The following INPP4B variants were observed in gnomAD, a reference collection of about 807,000 sequenced individuals.
The protein encoded by INPP4B is inositol polyphosphate 4-phosphatase type II.
INPP4B carries 55 observed loss-of-function variants against 122.5 expected under a neutral mutation model. That is an observed-to-expected ratio of 0.45 (90% CI 0.36 to 0.56). INPP4B has a LOEUF of 0.56. Among genes scored for constraint, INPP4B ranks in the 20% least tolerant of loss-of-function variants. The pLI is 0.00. For synonymous variants in INPP4B, 403 were observed against 388.7 expected, an observed-to-expected ratio of 1.04 and a Z score of -0.43; for missense variants, 1,000 against 1,097.7, an observed-to-expected ratio of 0.91 and a Z score of 1.26.
chr4:142,646,226 A>T lies in INPP4B; in HGVS notation c.-191+79613T>A, dbSNP rs145834344. Among the ~76,000 whole-genome samples the T allele has an allele frequency of 1.1e-4, 16 of 152,258 alleles. No homozygotes were observed. In the East Asian group the frequency reaches 2.5e-3, roughly 24 times the overall value. On this transcript the variant is annotated intron_variant, in intron 2 of 25. Transcript: ENST00000262992. ...TTATATCTCAATGAAGTTGATTTTT[A>T]AAAAAATTTTAAACATCAACACAAG...
chr4:142,492,932 T>G (rs1822064179), intron 2 of INPP4B, among the ~76,000 whole-genome samples: 1 of 152,112 alleles, frequency 6.6e-6, no homozygotes, highest in Non-Finnish European at 1.5e-5. Context: ...CCTGGAGACC[T>G]AGGAGGGAAA....
intron 2 of INPP4B, chr4:142,654,553 T>A (rs560083792): frequency 6.6e-6 from 1 of 152,168 alleles, no homozygotes; most frequent in Admixed American, 6.5e-5. Context: ...TGCTATTATA[T>A]TATTGTATCA....
At chr4:142,650,866 C>T (rs1467559899) in intron 2 of INPP4B, among the ~76,000 whole-genome samples, 4 of 152,106 alleles carry the variant, frequency 2.6e-5, no homozygotes, top group African/African-American at 7.2e-5. Flanking sequence ...CTGGATCAAG[C>T]GGACCTAATA....
At chr4:142,390,596 C>G (rs535938723) in intron 7 of INPP4B, among the ~76,000 whole-genome samples, 1 of 152,116 alleles carries the variant, frequency 6.6e-6, no homozygotes. Flanking sequence ...GATTATTTGA[C>G]GTATTTAGAT....
Position 142,027,895 on chromosome 4 carries a change from A to C in INPP4B, c.*887T>G, listed in dbSNP as rs1398534949. On this transcript the variant is annotated 3_prime_UTR_variant, in exon 26 of 26. Coordinates refer to ENST00000262992, the MANE Select transcript of INPP4B (RefSeq NM_001101669.3). Reference sequence around the variant, plus strand: ...ACACACAAACCTATGCCATAACTGCATGCTTACACCAGGATGACTGCTAAG... The same window carrying C: ...ACACACAAACCTATGCCATAACTGCCTGCTTACACCAGGATGACTGCTAAG... 5.5e-6 allele frequency: 1 copy of C among 181,584 alleles called. No individual in the cohort carries two copies. Among genetic ancestry groups the C allele is most frequent in the African/African-American group, 2.4e-5 (1 of 42,496 alleles). The allele number at this position is 181,584 out of a possible 1,614,324, so 11.2% of individuals were successfully genotyped here.
chr4:142,599,997 T>A (rs1273917865), intron 2 of INPP4B, among the ~76,000 whole-genome samples: 1 of 151,896 alleles, frequency 6.6e-6, no homozygotes, highest in Non-Finnish European at 1.5e-5. Context: ...ATAAAAAGAA[T>A]GAACAAAGTC....
At chr4:142,030,107 A>C (rs1738848889) in intron 25 of INPP4B, 1 of 1,497,126 alleles carries the variant, frequency 6.7e-7, no homozygotes, top group African/African-American at 1.4e-5. Context: ...GTAGAAAAGA[A>C]AAAGGAATAC....
At chr4:142,384,250 A>T in intron 7 of INPP4B, 1 of 635,684 alleles carries the variant, frequency 1.6e-6, no homozygotes, top group South Asian at 1.8e-5. Flanking sequence ...ATTAGTTAGT[A>T]ACAACTTCAC....
At chr4:142,720,222 C>T (rs1764339246) in intron 2 of INPP4B, among the ~76,000 whole-genome samples, 1 of 151,552 alleles carries the variant, frequency 6.6e-6, no homozygotes, top group East Asian at 1.9e-4. Context: ...CTTTGTACGG[C>T]AAAAAAAATA....
intron 12 of INPP4B, among the ~76,000 whole-genome samples, chr4:142,216,435 T>A (rs1442901447): frequency 1.3e-5 from 2 of 152,210 alleles, no homozygotes; most frequent in African/African-American, 4.8e-5. Flanking sequence ...AAAAGGCAAA[T>A]TATACAAAAC....
intron 7 of INPP4B, among the ~76,000 whole-genome samples, chr4:142,349,317 G>A (rs1781264759): frequency 6.6e-6 from 1 of 152,006 alleles, no homozygotes; most frequent in Admixed American, 6.6e-5. Context: ...TTCCAAATGA[G>A]TGGAAAGAAA....
At chr4:142,432,734 T>A (rs189974105) in intron 3 of INPP4B, among the ~76,000 whole-genome samples, 1 of 152,242 alleles carries the variant, frequency 6.6e-6, no homozygotes, top group East Asian at 1.9e-4. Context: ...GACTTGGACA[T>A]GAGGACTATA....
At chr4:142,068,375 A>G (rs902589780) in intron 25 of INPP4B, among the ~76,000 whole-genome samples, 1 of 152,238 alleles carries the variant, frequency 6.6e-6, no homozygotes. Flanking sequence ...CACTGCAAAA[A>G]CATGCCAAAT....
At chr4:142,611,822 C>T (rs1466862115) in intron 2 of INPP4B, among the ~76,000 whole-genome samples, 1 of 151,570 alleles carries the variant, frequency 6.6e-6, no homozygotes, top group African/African-American at 2.4e-5. Flanking sequence ...GTGCACGCCA[C>T]CATGCCTGGC....
At chr4:142,808,434 A>T (rs1198065359) in intron 1 of INPP4B, among the ~76,000 whole-genome samples, 1 of 152,218 alleles carries the variant, frequency 6.6e-6, no homozygotes, top group Admixed American at 6.5e-5. Flanking sequence ...AGAATCATCT[A>T]GTCAGGAAGA....
intron 5 of INPP4B, among the ~76,000 whole-genome samples, chr4:142,417,889 C>A (rs1173226919): frequency 1.3e-5 from 2 of 152,106 alleles, no homozygotes; most frequent in Admixed American, 1.3e-4. Context: ...CTCCTTATGT[C>A]AGTCTATTTC....
chr4:142,347,367 C>T (rs945895600), intron 7 of INPP4B: 4 of 261,564 alleles, frequency 1.5e-5, no homozygotes, highest in South Asian at 3.9e-5. Context: ...ACATACATTC[C>T]AATTACCTGA....
chr4:142,466,563 C>A (rs886572506), intron 2 of INPP4B, among the ~76,000 whole-genome samples: 1 of 152,150 alleles, frequency 6.6e-6, no homozygotes, highest in Non-Finnish European at 1.5e-5. Context: ...AAATTTGCAG[C>A]CTGACCATGT....
chr4:142,353,315 G>T (rs1782514017), intron 7 of INPP4B, among the ~76,000 whole-genome samples: 1 of 151,920 alleles, frequency 6.6e-6, no homozygotes, highest in South Asian at 2.1e-4. Context: ...AGCCTCTAGG[G>T]GGAGCGCTAG....
Sources: allele counts gnomAD v4.1 joint callset (sites outside exome capture counted in the v4.1 genomes callset), GRCh38; gene constraint gnomAD v4.1.1; transcripts MANE v1.5; gene names NCBI Gene and HGNC (gene_info 2026-07-23, HGNC 2026-07-21).